ST7: variants seen among roughly 807,000 people sequenced by gnomAD.
The protein encoded by ST7 is suppression of tumorigenicity 7.
Under a neutral mutation model 78.7 loss-of-function variants are expected in ST7, and 28 were observed. The ratio of observed to expected loss-of-function variants is 0.36; its 90% CI spans 0.26 to 0.49. ST7 has a LOEUF of 0.49. Ranked by LOEUF, ST7 falls within the 20% of genes least tolerant of loss-of-function variation. ST7 has a pLI of 0.99. For missense variants in ST7, 418 were observed against 696.0 expected, an observed-to-expected ratio of 0.60 and a Z score of 4.49; for synonymous variants, 247 against 249.6, an observed-to-expected ratio of 0.99 and a Z score of 0.10.
chr7:117,177,156 C>A (rs1808402452), intron 10 of ST7, among the ~76,000 whole-genome samples: 1 of 152,124 alleles, frequency 6.6e-6, no homozygotes, highest in Non-Finnish European at 1.5e-5. Context: ...GATTTGGACA[C>A]CAAGAGGTAG....
At chr7:116,982,976 G>A (rs1423874415) in intron 1 of ST7, among the ~76,000 whole-genome samples, 1 of 152,152 alleles carries the variant, frequency 6.6e-6, no homozygotes, top group Non-Finnish European at 1.5e-5. Flanking sequence ...TCAGCTCACT[G>A]CAACCTCCGC....
chr7:117,159,944 G>A (rs530467885), intron 9 of ST7, among the ~76,000 whole-genome samples: 76 of 152,112 alleles, frequency 5.0e-4, no homozygotes, highest in African/African-American at 1.7e-3. Context: ...GCTCATGCCT[G>A]TAATCCCAGC....
intron 9 of ST7, among the ~76,000 whole-genome samples, chr7:117,153,395 G>A (rs1343492266): frequency 6.6e-6 from 1 of 152,158 alleles, no homozygotes; most frequent in African/African-American, 2.4e-5. Flanking sequence ...AGCATGGGAG[G>A]TGATTTAGAT....
chr7:117,052,877 C>T (rs1326137323), intron 1 of ST7, among the ~76,000 whole-genome samples: 1 of 152,164 alleles, frequency 6.6e-6, no homozygotes, highest in Non-Finnish European at 1.5e-5. Context: ...CTGGGCGACA[C>T]AGCAAGATTA....
chr7:117,066,966 A>G (rs1798671088), intron 1 of ST7, among the ~76,000 whole-genome samples: 1 of 152,014 alleles, frequency 6.6e-6, no homozygotes, highest in Non-Finnish European at 1.5e-5. Flanking sequence ...GGATTTGCTT[A>G]GTCTAGAAAT....
chr7:117,131,795 C>A lies in ST7; in HGVS notation c.566-90C>A, dbSNP rs1398793121. 9.6e-6 allele frequency: 11 copies of A among 1,148,024 alleles called. No individual in the cohort carries two copies. In the South Asian group the frequency reaches 1.5e-4, roughly 15 times the overall value. 71.1% of individuals were successfully genotyped at this position (1,148,024 alleles called of 1,614,324 possible). ...ATGAAATATGTTCTTGTAATTTAAG[C>A]TGACACTCCTAATTTAGCTCTTGTC... On this transcript the variant is annotated intron_variant, in intron 5 of 15. Transcript: ENST00000323984.
At chr7:117,055,014 C>T (rs1192384372) in intron 1 of ST7, among the ~76,000 whole-genome samples, 2 of 152,006 alleles carry the variant, frequency 1.3e-5, no homozygotes, top group Non-Finnish European at 2.9e-5. Context: ...AATACATGGC[C>T]TTGGACAATT....
intron 1 of ST7, among the ~76,000 whole-genome samples, chr7:117,080,106 A>G (rs1006754316): frequency 1.2e-4 from 18 of 145,902 alleles, no homozygotes; most frequent in Non-Finnish European, 2.5e-4. Context: ...TCAGCCTCCC[A>G]AGTAGCTGGG....
In ST7 at chr7:117,219,991, A is replaced by G. The variant is rs948484862; in HGVS notation, c.1498+815A>G. On this transcript the variant is annotated intron_variant, in intron 14 of 15. Coordinates refer to ENST00000323984, the MANE Select transcript of ST7 (RefSeq NM_001369598.1). The surrounding 1 kb of genome is among the most constrained non-coding windows in gnomAD (Gnocchi z 5.1). Reference sequence around the variant, plus strand: ...AGGATATATTTTTCTCCCTCAGATAATAAGCTCCAAATTTTAGCTCTTCTC... The same window carrying G: ...AGGATATATTTTTCTCCCTCAGATAGTAAGCTCCAAATTTTAGCTCTTCTC... 4.6e-5 allele frequency among the ~76,000 whole-genome samples: 7 copies of G among 152,178 alleles called. No homozygotes were observed. Among genetic ancestry groups the G allele is most frequent in the Non-Finnish European group, 7.3e-5 (5 of 68,036 alleles).
At chr7:117,089,448 G>A (rs1485895697) in intron 1 of ST7, among the ~76,000 whole-genome samples, 1 of 151,916 alleles carries the variant, frequency 6.6e-6, no homozygotes, top group Non-Finnish European at 1.5e-5. Context: ...CTGATAGTGT[G>A]TCAGGTGACA....
chr7:116,956,691 A>T (rs1302911098), intron 1 of ST7: 1 of 468,500 alleles, frequency 2.1e-6, no homozygotes, highest in South Asian at 1.6e-5. Context: ...ACCATCTGTG[A>T]CAATTTTAAT....
At chr7:116,969,812 A>G (rs1293765596) in intron 1 of ST7, among the ~76,000 whole-genome samples, 1 of 152,214 alleles carries the variant, frequency 6.6e-6, no homozygotes, top group Non-Finnish European at 1.5e-5. Flanking sequence ...ATGGTGGTTC[A>G]TGCCTATAAT....
chr7:117,201,992 G>T (rs1478614172), intron 12 of ST7, among the ~76,000 whole-genome samples: 3 of 77,074 alleles, frequency 3.9e-5, no homozygotes, highest in African/African-American at 1.3e-4. Context: ...ACGGAGTCTC[G>T]CTCTGACGCC....
intron 15 of ST7, among the ~76,000 whole-genome samples, chr7:117,225,345 G>A (rs914472906): frequency 1.3e-5 from 2 of 152,124 alleles, no homozygotes; most frequent in African/African-American, 4.8e-5. Context: ...TGGTAGTTTG[G>A]TCAGCTCCCC....
chr7:116,975,918 C>G (rs1212449494), intron 1 of ST7, among the ~76,000 whole-genome samples: 2 of 152,054 alleles, frequency 1.3e-5, no homozygotes, highest in African/African-American at 4.8e-5. Flanking sequence ...TGCCAGATTC[C>G]TTTACAGAAT....
chr7:117,131,971 G>A lies in ST7; in HGVS notation c.641+11G>A, dbSNP rs1420013976. Reference sequence around the variant, plus strand: ...CTTGGAGATAAATGAGTAAGTGGGGGAAAATCTTGCTGTTAAAAAGGAAAT... The same window carrying A: ...CTTGGAGATAAATGAGTAAGTGGGGAAAAATCTTGCTGTTAAAAAGGAAAT... On this transcript the variant is annotated intron_variant, in intron 6 of 15. Coordinates refer to ENST00000323984, the MANE Select transcript of ST7 (RefSeq NM_001369598.1). The A allele has an allele frequency of 6.2e-7, 1 of 1,609,864 alleles. No individual in the cohort carries two copies. The highest frequency in any genetic ancestry group is 8.5e-7 in the Non-Finnish European group (1 of 1,177,220).
At chr7:117,214,281 T>C (rs751110388) in intron 13 of ST7, among the ~76,000 whole-genome samples, 43 of 152,164 alleles carry the variant, frequency 2.8e-4, no homozygotes, top group Admixed American at 2.0e-4. Context: ...TTATTTTCTT[T>C]TTAGAGATCC....
intron 1 of ST7, among the ~76,000 whole-genome samples, chr7:116,989,641 C>G (rs925017619): frequency 2.6e-5 from 4 of 151,234 alleles, no homozygotes; most frequent in Non-Finnish European, 5.9e-5. Flanking sequence ...GAGTTTGAGA[C>G]CAGCATGGGC....
At chr7:117,199,074 G>A (rs1684218528) in intron 12 of ST7, 1 of 152,064 alleles carries the variant, frequency 6.6e-6, no homozygotes, top group African/African-American at 2.4e-5. Context: ...ATTCCCAGGG[G>A]TACTTCTACC....
Sources: allele counts gnomAD v4.1 joint callset (sites outside exome capture counted in the v4.1 genomes callset), GRCh38; gene constraint gnomAD v4.1.1; non-coding constraint Gnocchi (gnomAD v3.1); transcripts MANE v1.5; gene names NCBI Gene and HGNC (gene_info 2026-07-23, HGNC 2026-07-21).